PLEKHA8: variants seen among roughly 807,000 people sequenced by gnomAD.
The protein encoded by PLEKHA8 is pleckstrin homology domain-containing family A member 8.
In PLEKHA8, 36 loss-of-function variants were observed where a neutral mutation model predicts 68.2. The ratio of observed to expected loss-of-function variants is 0.53; its 90% CI spans 0.40 to 0.70. PLEKHA8 has a LOEUF of 0.70. PLEKHA8 is among the 30% of genes least tolerant of loss of function. The pLI is 0.00. For synonymous variants in PLEKHA8, 211 were observed against 216.1 expected, an observed-to-expected ratio of 0.98 and a Z score of 0.20; for missense variants, 505 against 615.4, an observed-to-expected ratio of 0.82 and a Z score of 1.90.
rs1160315494 is a variant in PLEKHA8 at position 30,062,706 on chromosome 7, G to C, written c.1264G>C (p.Val422Leu). The C allele has an allele frequency of 6.2e-7, 1 of 1,613,166 alleles. No homozygotes were observed. The highest frequency in any genetic ancestry group is 8.5e-7 in the Non-Finnish European group (1 of 1,179,396). ...LKFLKGFLTE[V>L]KNGEKDIQTA... ...ATTTTTGAAGGGATTTTTGACAGAA[G>C]TGAAAAATGGGGAGAAGGATATCCA... Residue 422 changes from valine to leucine, a missense_variant, in exon 12 of 14, where the codon GTG (valine) becomes CTG (leucine). Val to Leu is a conservative substitution (Grantham distance 32). Transcript: ENST00000449726.
At chr7:30,099,304 C>T (rs1795758053) in intron 13 of PLEKHA8, among the ~76,000 whole-genome samples, 1 of 152,102 alleles carries the variant, frequency 6.6e-6, no homozygotes, top group South Asian at 2.1e-4. Context: ...CCTTGCAGAC[C>T]CAGAAATACA....
intron 1 of PLEKHA8, among the ~76,000 whole-genome samples, chr7:30,031,540 T>G (rs1237688185): frequency 1.3e-5 from 2 of 152,056 alleles, no homozygotes; most frequent in Admixed American, 6.6e-5. Flanking sequence ...AGAGTGAGGC[T>G]CCAACAAAGA....
At chr7:30,050,610 G>A in intron 6 of PLEKHA8, 136 bp downstream of exon 6, 1 of 1,201,856 alleles carries the variant, frequency 8.3e-7, no homozygotes, top group South Asian at 1.7e-5. Context: ...AACAATATCT[G>A]ACTTTCCTCT....
rs187811137 is a variant in PLEKHA8 at position 30,035,730 on chromosome 7, C to T, written c.40+6928C>T. Among the ~76,000 whole-genome samples the T allele has an allele frequency of 2.8e-4, 42 of 152,104 alleles. 1 individual carries two copies. In the East Asian group the frequency reaches 5.1e-3, roughly 18 times the overall value. On this transcript the variant is annotated intron_variant, in intron 1 of 13. Transcript: ENST00000449726. ...CACAATGTCGGCTCACTGCAACCTT[C>T]GCCTCCCGGGTTCAAGCAGTTCTCT...
Position 30,079,518 on chromosome 7 carries a change from C to T in PLEKHA8, c.*731C>T. ...ACACCTCCCAACTGCCTACCATTTA[C>T]CAGCATGTTCCCCATGCATTATCTC... On this transcript the variant is annotated 3_prime_UTR_variant, in exon 14 of 14. Transcript: ENST00000449726. 12 of 969,702 alleles carry T rather than the reference C, an allele frequency of 1.2e-5. No individual in the cohort carries two copies. Among genetic ancestry groups the T allele is most frequent in the Non-Finnish European group, 1.3e-5 (11 of 815,666 alleles). 60.1% of individuals were successfully genotyped at this position (969,702 alleles called of 1,614,324 possible).
At chr7:30,029,500 T>C (rs1202843417) in intron 1 of PLEKHA8, among the ~76,000 whole-genome samples, 3 of 152,164 alleles carry the variant, frequency 2.0e-5, no homozygotes, top group African/African-American at 7.2e-5. Flanking sequence ...TTTGTGGAGG[T>C]AAAAGCTTCA....
At chr7:30,075,414 A>G (rs192949507) in intron 13 of PLEKHA8, among the ~76,000 whole-genome samples, 2 of 152,232 alleles carry the variant, frequency 1.3e-5, no homozygotes, top group East Asian at 3.9e-4. Context: ...AGGTACTTTC[A>G]TATTCTTTAT....
chr7:30,043,623 G>C (rs933884670), intron 1 of PLEKHA8, among the ~76,000 whole-genome samples: 3 of 152,168 alleles, frequency 2.0e-5, no homozygotes, highest in Admixed American at 2.0e-4. Flanking sequence ...TGGAAAAGCA[G>C]ACCCTGATTA....
In PLEKHA8 at chr7:30,099,553, C is replaced by T. The variant is rs1795769577; in HGVS notation, c.1362+25421C>T. On this transcript the variant is annotated intron_variant, in intron 13 of 13. Transcript: ENST00000396257. ...GTTGTGTTCCTTGGCACTCTTTTGG[C>T]TGCAAATGACCAAAGACCTAAGTAA... 1.3e-5 allele frequency among the ~76,000 whole-genome samples: 2 copies of T among 152,220 alleles called. 1 individual carries two copies. The highest frequency in any genetic ancestry group is 4.1e-4 in the South Asian group (2 of 4,830).
downstream of PLEKHA8, among the ~76,000 whole-genome samples, chr7:30,088,248 G>A (rs894461162): frequency 2.0e-5 from 3 of 152,140 alleles, no homozygotes; most frequent in Non-Finnish European, 4.4e-5. Context: ...CTTTGCTAAT[G>A]CACATGCAAA....
At position 30,079,146 on chromosome 7, in the gene PLEKHA8, A is replaced by T. The variant is rs753204812; in HGVS notation, c.*359A>T. ...CCCAAACCCAAGCTGAAAATCAGCA[A>T]ATTCCATATTAAGTACCATAATTCA... On this transcript the variant is annotated 3_prime_UTR_variant, in exon 14 of 14. Transcript: ENST00000449726. 7.2e-5 allele frequency: 73 copies of T among 1,020,654 alleles called. No homozygotes were observed. In the Admixed American group the frequency reaches 7.7e-4, roughly 11 times the overall value. 63.2% of individuals were successfully genotyped at this position (1,020,654 alleles called of 1,614,324 possible).
intron 9 of PLEKHA8, among the ~76,000 whole-genome samples, chr7:30,056,760 T>A (rs1241990392): frequency 5.0e-4 from 64 of 128,580 alleles, no homozygotes; most frequent in Non-Finnish European, 8.1e-4. Flanking sequence ...TGTGTGTGTG[T>A]GTGTGTGTGT....
chr7:30,076,712 G>A (rs901433089), intron 13 of PLEKHA8, among the ~76,000 whole-genome samples: 2 of 152,118 alleles, frequency 1.3e-5, no homozygotes, highest in African/African-American at 2.4e-5. Flanking sequence ...AATGCATTTG[G>A]CAACAGCCTT....
intron 13 of PLEKHA8, among the ~76,000 whole-genome samples, chr7:30,114,477 C>A (rs1460473430): frequency 6.6e-6 from 1 of 152,218 alleles, no homozygotes; most frequent in Admixed American, 6.5e-5. Context: ...TGCAACAGTG[C>A]CTCTCATGAG....
downstream of PLEKHA8, among the ~76,000 whole-genome samples, chr7:30,094,642 A>G (rs912104285): frequency 4.0e-5 from 6 of 151,426 alleles, no homozygotes; most frequent in Non-Finnish European, 7.4e-5. Context: ...GTCATTTAGC[A>G]TTAGGTATAT....
At chr7:30,073,771 T>C (rs1041602104) in intron 12 of PLEKHA8, among the ~76,000 whole-genome samples, 1 of 152,072 alleles carries the variant, frequency 6.6e-6, no homozygotes, top group Non-Finnish European at 1.5e-5. Flanking sequence ...GAGGATCACC[T>C]GAGCCCAGGA....
intron 13 of PLEKHA8, among the ~76,000 whole-genome samples, chr7:30,110,159 C>T (rs747730834): frequency 4.0e-4 from 61 of 152,050 alleles, no homozygotes; most frequent in Non-Finnish European, 7.6e-4. Flanking sequence ...CAACCCTGTA[C>T]TTATTAAGCA....
intron 13 of PLEKHA8, among the ~76,000 whole-genome samples, chr7:30,078,245 A>G (rs1054980119): frequency 2.0e-5 from 3 of 152,212 alleles, no homozygotes; most frequent in Non-Finnish European, 4.4e-5. Context: ...CAACATGCAT[A>G]TAGATTCTGA....
At chr7:30,031,484 C>T (rs1490755342) in intron 1 of PLEKHA8, among the ~76,000 whole-genome samples, 5 of 151,964 alleles carry the variant, frequency 3.3e-5, no homozygotes, top group Admixed American at 2.0e-4. Flanking sequence ...TGGAGACGTG[C>T]GAGTTTGAGG....
Sources: allele counts gnomAD v4.1 joint callset (sites outside exome capture counted in the v4.1 genomes callset), GRCh38; gene constraint gnomAD v4.1.1; transcripts MANE v1.5; gene names NCBI Gene and HGNC (gene_info 2026-07-23, HGNC 2026-07-21).